PSMA2: variants seen among roughly 807,000 people sequenced by gnomAD.
PSMA2 encodes proteasome subunit alpha type-2.
A neutral mutation model predicts 35.9 loss-of-function variants in PSMA2; 2 were observed. That is an observed-to-expected ratio of 0.06 (90% confidence interval 0.02 to 0.18). PSMA2 has a LOEUF of 0.18. Ranked by LOEUF, PSMA2 falls within the 10% of genes least tolerant of loss-of-function variation. The probability of loss-of-function intolerance (pLI) is 1.00; values close to 1 mark genes in which losing one functional copy is unlikely to be tolerated. For synonymous variants in PSMA2, 97 were observed against 98.2 expected (o/e 0.99, Z 0.07); for missense variants, 126 against 278.8 (o/e 0.45, Z 3.90).
At chr7:42,929,977 T>C (rs960732896) in intron 1 of PSMA2, among the ~76,000 whole-genome samples, 3 of 152,208 alleles carry the variant, frequency 2.0e-5, no homozygotes, top group Non-Finnish European at 4.4e-5. Context: ...TCTAAAGTCA[T>C]ATTCCTTCCT....
chr7:42,920,946 A>G (rs1322448656), intron 6 of PSMA2: 1 of 152,228 alleles, frequency 6.6e-6, no homozygotes, highest in African/African-American at 2.4e-5. Context: ...TGGGAGCTAA[A>G]AAAGTGGATC....
rs58198756 is a variant in PSMA2, at chr7:42,924,353, C to CAAAAAA, written c.374+316_374+321dup. ...TGGGCGACAGAGTGAGACTCTGACT[C>CAAAAAA]AAAAAAAAAAAAAAAAAAAAAAAAA... On this transcript the variant is annotated intron_variant, in intron 4 of 7. Coordinates refer to ENST00000223321, the MANE Select transcript of PSMA2 (RefSeq NM_002787.5). 4.2e-4 allele frequency among the ~76,000 whole-genome samples: 29 copies of CAAAAAA among 69,418 alleles called. 1 individual carries two copies. The highest frequency in any genetic ancestry group is 1.6e-3 in the African/African-American group (26 of 16,268). The allele number at this position is 69,418 out of a possible 152,430, so 45.5% of individuals were successfully genotyped here.
intron 1 of PSMA2, 129 bp downstream of exon 1, chr7:42,931,989 G>A: frequency 2.4e-6 from 3 of 1,246,362 alleles, no homozygotes; most frequent in Non-Finnish European, 3.5e-6. Context: ...TTGCAAAGCC[G>A]CATTTCCAAC....
At chr7:42,922,536 T>C (rs1173620481) in intron 5 of PSMA2, among the ~76,000 whole-genome samples, 1 of 152,166 alleles carries the variant, frequency 6.6e-6, no homozygotes, top group Non-Finnish European at 1.5e-5. Flanking sequence ...TGGCTTCTGC[T>C]ACCTTCTGGA....
intron 5 of PSMA2, 92 bp downstream of exon 5, chr7:42,923,233 G>A (rs1687171034): frequency 1.0e-6 from 1 of 960,726 alleles, no homozygotes; most frequent in Admixed American, 2.4e-5. Flanking sequence ...AGAAAATACT[G>A]CTAAATTGTA....
rs371213641 is a variant in PSMA2, at chr7:42,932,147, G to A, written c.12C>T (p.Arg4=). The part of the protein sequence containing the change: MAE[R]GYSFSLTTFS... The stretch of plus-strand genomic sequence containing the variant: ...ATGTAGTCAGCGAAAAGCTGTACCC[G>A]CGCTCCGCCATCTTTACCCGAAGAG... Residue 4 remains arginine, a synonymous_variant, in exon 1 of 8, where the codon CGC becomes CGT. Transcript: ENST00000223321. 2.7e-5 allele frequency: 43 copies of A among 1,613,982 alleles called. 1 individual carries two copies. In the South Asian group the frequency reaches 3.8e-4, roughly 14 times the overall value.
At chr7:42,918,725 T>G (rs2128673340) in intron 6 of PSMA2, 1 of 155,188 alleles carries the variant, frequency 6.4e-6, no homozygotes, top group African/African-American at 2.4e-5. Flanking sequence ...GCCCAATCAC[T>G]GGGTTCACCA....
intron 4 of PSMA2, among the ~76,000 whole-genome samples, chr7:42,924,305 G>A (rs777379055): frequency 6.8e-6 from 1 of 146,978 alleles, no homozygotes; most frequent in Non-Finnish European, 1.5e-5. Context: ...AGTGAGCCGG[G>A]ATCATGCCAT....
At chr7:42,932,026 G>T in intron 1 of PSMA2, 92 bp downstream of exon 1, 1 of 1,521,350 alleles carries the variant, frequency 6.6e-7, no homozygotes, top group Non-Finnish European at 9.1e-7. Flanking sequence ...CCCTCCAGAA[G>T]CACCAATGCC....
intron 6 of PSMA2, chr7:42,919,208 C>A (rs1452994454): frequency 1.6e-6 from 1 of 607,170 alleles, no homozygotes; most frequent in Non-Finnish European, 3.2e-6. Flanking sequence ...TGGATTGGAA[C>A]AATTTTGGGT....
intron 6 of PSMA2, chr7:42,920,968 G>A (rs990369225): frequency 3.3e-5 from 5 of 152,178 alleles, no homozygotes; most frequent in Admixed American, 6.5e-5. Context: ...CATGGAGGGA[G>A]AGAGTAGCAC....
At chr7:42,924,333 G>A (rs1190510744) in intron 4 of PSMA2, among the ~76,000 whole-genome samples, 10 of 134,778 alleles carry the variant, frequency 7.4e-5, no homozygotes, top group Non-Finnish European at 1.4e-4. Context: ...CAGCCTGGGC[G>A]ACAGAGTGAG....
rs377238186 is a variant in PSMA2 at position 42,930,345 on chromosome 7, A to G, written c.41+1773T>C. Among the ~76,000 whole-genome samples the G allele has an allele frequency of 1.1e-4, 16 of 152,122 alleles. No homozygotes were observed. In the East Asian group the frequency reaches 2.5e-3, roughly 24 times the overall value. On this transcript the variant is annotated intron_variant, in intron 1 of 7. Transcript: ENST00000223321. ...CAGAATCACAGCTCACTGAATCCTA[A>G]ACTCTTGGGTTCAAGTGCTCCTCTC...
At chr7:42,923,548 T>G (rs1786159456) in intron 4 of PSMA2, 142 bp from the exon 5 acceptor site, 2 of 640,636 alleles carry the variant, frequency 3.1e-6, no homozygotes, top group South Asian at 3.9e-5. Context: ...ATTTAACACC[T>G]TTCTGAATGA....
chr7:42,922,156 A>G (rs574514837), intron 5 of PSMA2, among the ~76,000 whole-genome samples: 56 of 152,166 alleles, frequency 3.7e-4, no homozygotes, highest in Non-Finnish European at 6.5e-4. Context: ...AATTTTTGAT[A>G]TCCTCATTGT....
At position 42,927,830 on chromosome 7, in the gene PSMA2, C is replaced by T. The variant is rs747879291; in HGVS notation, c.42-371G>A. Reference sequence around the variant, plus strand: ...CTGAGGCAGGAGAATTGCTTGAATCCGGGAGGTGGAGGTTGCAGTAAGCCA... The same window carrying T: ...CTGAGGCAGGAGAATTGCTTGAATCTGGGAGGTGGAGGTTGCAGTAAGCCA... On this transcript the variant is annotated intron_variant, in intron 1 of 7. Coordinates refer to ENST00000223321, the MANE Select transcript of PSMA2 (RefSeq NM_002787.5). Among the ~76,000 whole-genome samples, 5 of 151,392 alleles carry T rather than the reference C, an allele frequency of 3.3e-5. No homozygotes were observed. The East Asian group carries it at 5.8e-4, about 18-fold the overall frequency.
intron 6 of PSMA2, 142 bp downstream of exon 6, chr7:42,921,716 G>T (rs1322782140): frequency 3.9e-6 from 2 of 507,384 alleles, no homozygotes; most frequent in Non-Finnish European, 6.8e-6. Flanking sequence ...AGGGAGAGAA[G>T]TTTTTGGTTT....
intron 1 of PSMA2, among the ~76,000 whole-genome samples, chr7:42,928,424 T>C (rs1178800856): frequency 6.6e-6 from 1 of 152,202 alleles, no homozygotes; most frequent in Non-Finnish European, 1.5e-5. Flanking sequence ...TCACTCACAA[T>C]TAAGTATTCT....
At chr7:42,924,828 C>T in intron 3 of PSMA2, 31 bp from the exon 4 acceptor site, 1 of 1,591,696 alleles carries the variant, frequency 6.3e-7, no homozygotes, top group South Asian at 1.1e-5. Flanking sequence ...TTTAATTACA[C>T]AGAACATGCT....
Sources: gnomAD v4.1 joint callset for allele counts (sites outside exome capture counted in the v4.1 genomes callset) on GRCh38, gnomAD v4.1.1 for gene constraint, MANE v1.5 for transcripts, NCBI Gene and HGNC (gene_info 2026-07-23, HGNC 2026-07-21) for gene names.